Variants in FBP1 observed in about 807,000 individuals in gnomAD.
FBP1 encodes the protein fructose-1,6-bisphosphatase 1.
In FBP1, 22 loss-of-function variants were observed where a neutral mutation model predicts 29.9. That is an observed-to-expected ratio of 0.74 (90% CI 0.53 to 1.05). The LOEUF (loss-of-function observed/expected upper bound fraction) is 1.05. Among genes scored for constraint, FBP1 ranks in the 50% least tolerant of loss-of-function variants. The pLI is 0.00. For synonymous variants in FBP1, 175 were observed against 178.6 expected (o/e 0.98, Z 0.16); for missense variants, 345 against 448.2 (o/e 0.77, Z 2.08).
chr9:94,618,753 A>T (rs1255327171), intron 2 of FBP1, among the ~76,000 whole-genome samples: 2 of 152,208 alleles, frequency 1.3e-5, no homozygotes, highest in Non-Finnish European at 2.9e-5. Context: ...AGTGGTGTGC[A>T]GGAGCTGGCT....
At chr9:94,619,959 A>G (rs1257953917) in intron 2 of FBP1, among the ~76,000 whole-genome samples, 2 of 151,328 alleles carry the variant, frequency 1.3e-5, no homozygotes, top group African/African-American at 2.4e-5. Context: ...GGAAGTTTCA[A>G]GCAGTCTAGG....
intron 2 of FBP1, 33 bp downstream of exon 2, chr9:94,620,296 T>C (rs1487026780): frequency 5.6e-6 from 9 of 1,611,850 alleles, no homozygotes; most frequent in Non-Finnish European, 7.6e-6. Context: ...ACCGGCTACA[T>C]TAAAACCCTC....
At chr9:94,624,375 A>C (rs1461202078) in intron 1 of FBP1, among the ~76,000 whole-genome samples, 1 of 109,116 alleles carries the variant, frequency 9.2e-6, no homozygotes, top group Non-Finnish European at 1.9e-5. Context: ...GAAATGGGCC[A>C]GGCACGGTGG....
intron 1 of FBP1, among the ~76,000 whole-genome samples, chr9:94,622,280 GCA>G (rs1376260673): frequency 6.6e-6 from 1 of 152,272 alleles, no homozygotes; most frequent in East Asian, 1.9e-4. Flanking sequence ...CAGGAAGGAT[GCA>G]CAGAGCAAGG....
At chr9:94,623,718 T>C (rs985530018) in intron 1 of FBP1, among the ~76,000 whole-genome samples, 4 of 152,214 alleles carry the variant, frequency 2.6e-5, no homozygotes, top group Non-Finnish European at 5.9e-5. Context: ...GCTATCTGAG[T>C]GCTCATTTAT....
chr9:94,624,337 C>CA lies in FBP1; in HGVS notation c.171-3847dup, dbSNP rs10717568. Reference sequence around the variant, plus strand: ...TGGGCGACAAAGCGAGACTCCATCTCAAAAAAAAAAAAAAAAAAGAACAGG... The same window carrying CA: ...TGGGCGACAAAGCGAGACTCCATCTCAAAAAAAAAAAAAAAAAAAGAACAGG... On this transcript the variant is annotated intron_variant, in intron 1 of 6. Coordinates refer to ENST00000375326, the MANE Select transcript of FBP1 (RefSeq NM_000507.4). Among the ~76,000 whole-genome samples the CA allele has an allele frequency of 2.1e-3, 190 of 90,228 alleles. 1 individual carries two copies. Among genetic ancestry groups the CA allele is most frequent in the South Asian group, 4.9e-3 (13 of 2,680 alleles). The allele number at this position is 90,228 out of a possible 152,430, so 59.2% of individuals were successfully genotyped here. A position where few individuals can be genotyped will look rare whatever the true frequency, so the allele number is the denominator to read the frequency against.
Position 94,639,318 on chromosome 9 carries a change from C to A in FBP1, c.-8G>T, listed in dbSNP as rs760389518. On this transcript the variant is annotated 5_prime_UTR_variant, in exon 1 of 7. Coordinates refer to ENST00000375326, the MANE Select transcript of FBP1 (RefSeq NM_000507.4). The stretch of plus-strand genomic sequence containing the variant: ...GGGCGCCTGGTCAGCCATGCTTGAA[C>A]CGGGTAGAGCGCGGGGCTGCAGGTG... The A allele has an allele frequency of 4.4e-6, 7 of 1,604,934 alleles. No homozygotes were observed. The highest frequency in any genetic ancestry group is 6.0e-6 in the Non-Finnish European group (7 of 1,175,948).
At chr9:94,639,644 A>C (rs1828256174), upstream of FBP1, 1 of 450,724 alleles carries the variant, frequency 2.2e-6, no homozygotes, top group Admixed American at 3.6e-5. Flanking sequence ...GGATCTTCAG[A>C]CAAGGTCGGG....
chr9:94,631,434 C>T (rs181983341), intron 1 of FBP1, among the ~76,000 whole-genome samples: 21 of 152,316 alleles, frequency 1.4e-4, no homozygotes, highest in African/African-American at 5.1e-4. Flanking sequence ...GCATTGTTTT[C>T]CAAGTTTACA....
chr9:94,605,982 A>C (rs1401983470), intron 5 of FBP1, among the ~76,000 whole-genome samples: 1 of 152,136 alleles, frequency 6.6e-6, no homozygotes, highest in Non-Finnish European at 1.5e-5. Flanking sequence ...TCTGCTTAGC[A>C]ATGTGGAGAG....
chr9:94,624,993 T>A (rs1199714095), intron 1 of FBP1, among the ~76,000 whole-genome samples: 1 of 151,970 alleles, frequency 6.6e-6, no homozygotes, highest in Non-Finnish European at 1.5e-5. Flanking sequence ...GACAGACAAG[T>A]TATCCTGTAA....
chr9:94,628,484 G>C (rs953431335), intron 1 of FBP1, among the ~76,000 whole-genome samples: 13 of 152,152 alleles, frequency 8.5e-5, no homozygotes, highest in Admixed American at 2.6e-4. Flanking sequence ...AGAGCATAAG[G>C]AGCAAAGTGG....
intron 3 of FBP1, among the ~76,000 whole-genome samples, chr9:94,612,030 T>C (rs999774191): frequency 3.2e-4 from 48 of 152,232 alleles, no homozygotes; most frequent in African/African-American, 1.1e-3. Context: ...ACTGGGTTAT[T>C]TGATTCAGTT....
intron 1 of FBP1, among the ~76,000 whole-genome samples, chr9:94,635,322 CT>C (rs1276694950): frequency 6.6e-6 from 1 of 152,176 alleles, no homozygotes; most frequent in Non-Finnish European, 1.5e-5. Context: ...CTCTTTCAGT[CT>C]AAAACTCAAT....
At chr9:94,625,230 C>A (rs1216768105) in intron 1 of FBP1, among the ~76,000 whole-genome samples, 1 of 152,074 alleles carries the variant, frequency 6.6e-6, no homozygotes, top group African/African-American at 2.4e-5. Flanking sequence ...GCCAGCCCTC[C>A]CCACTGCCAT....
chr9:94,632,569 G>C (rs1828120088), intron 1 of FBP1, among the ~76,000 whole-genome samples: 1 of 152,094 alleles, frequency 6.6e-6, no homozygotes, highest in African/African-American at 2.4e-5. Flanking sequence ...CTGGAAGGCT[G>C]AGGCAGGAAA....
At chr9:94,625,637 T>C (rs1174553141) in intron 1 of FBP1, among the ~76,000 whole-genome samples, 1 of 152,064 alleles carries the variant, frequency 6.6e-6, no homozygotes, top group Non-Finnish European at 1.5e-5. Flanking sequence ...CTACTAAAAA[T>C]ACAAAAAATT....
chr9:94,617,195 G>A (rs1827876579), intron 3 of FBP1, among the ~76,000 whole-genome samples: 2 of 152,216 alleles, frequency 1.3e-5, no homozygotes, highest in African/African-American at 2.4e-5. Context: ...GTGAAAAAAT[G>A]AATGTGACCA....
At position 94,631,195 on chromosome 9, in the gene FBP1, C is replaced by T. The variant is rs548822860; in HGVS notation, c.170+7946G>A. Among the ~76,000 whole-genome samples, 82 of 152,290 alleles carry T rather than the reference C, an allele frequency of 5.4e-4. 1 individual carries two copies. In the South Asian group the frequency reaches 0.011, roughly 20 times the overall value. On this transcript the variant is annotated intron_variant, in intron 1 of 6. Transcript: ENST00000375326. ...CAGGCAGGGTTGAAGTCTCTGTGTC[C>T]TTTCCCTTTCCAGCCCCAGAGATAC...
Sources: gnomAD v4.1 joint callset for allele counts (sites outside exome capture counted in the v4.1 genomes callset) on GRCh38, gnomAD v4.1.1 for gene constraint, MANE v1.5 for transcripts, NCBI Gene and HGNC (gene_info 2026-07-23, HGNC 2026-07-21) for gene names.